The following RBMS2 variants were observed in gnomAD, a reference collection of about 807,000 sequenced individuals.
The protein encoded by RBMS2 is RNA-binding motif, single-stranded-interacting protein 2.
RBMS2 carries 38 observed loss-of-function variants against 58.4 expected under a neutral mutation model. The ratio of observed to expected loss-of-function variants is 0.65; its 90% CI spans 0.50 to 0.85. The LOEUF is 0.85. Ranked by LOEUF, RBMS2 falls within the 40% of genes least tolerant of loss-of-function variation. The pLI is 0.00. For synonymous variants in RBMS2, 151 were observed against 180.7 expected (o/e 0.84, Z 1.32); for missense variants, 367 against 503.7 (o/e 0.73, Z 2.60).
chr12:56,549,195 A>C (rs1271122570), intron 1 of RBMS2, among the ~76,000 whole-genome samples: 1 of 152,050 alleles, frequency 6.6e-6, no homozygotes, highest in African/African-American at 2.4e-5. Flanking sequence ...GGGTTTCACC[A>C]TGTTGACCAG....
intron 1 of RBMS2, among the ~76,000 whole-genome samples, chr12:56,532,805 TACTAG>T (rs1199262994): frequency 1.3e-5 from 2 of 152,232 alleles, no homozygotes; most frequent in South Asian, 2.1e-4. Context: ...TACTCTCAAG[TACTAG>T]ACTAGATTCA....
intron 1 of RBMS2, among the ~76,000 whole-genome samples, chr12:56,557,966 G>C (rs1414872061): frequency 7.0e-6 from 1 of 142,256 alleles, no homozygotes; most frequent in African/African-American, 2.6e-5. Context: ...TCCAACTCCC[G>C]ATCTCAAGTG....
intron 1 of RBMS2, among the ~76,000 whole-genome samples, chr12:56,533,322 G>A (rs950954599): frequency 2.7e-5 from 4 of 150,778 alleles, no homozygotes; most frequent in African/African-American, 7.3e-5. Context: ...AGATGGTCTC[G>A]AACTCCTGAC....
At chr12:56,563,456 C>T (rs1433289103) in intron 2 of RBMS2, among the ~76,000 whole-genome samples, 1 of 152,112 alleles carries the variant, frequency 6.6e-6, no homozygotes, top group Non-Finnish European at 1.5e-5. Context: ...CTCAAATTAG[C>T]AGATAAAGAA....
chr12:56,585,851 G>A (rs1198798227), intron 9 of RBMS2, among the ~76,000 whole-genome samples: 1 of 152,166 alleles, frequency 6.6e-6, no homozygotes, highest in African/African-American at 2.4e-5. Context: ...ATTCCCACCA[G>A]TGGCAGTGTA....
In RBMS2 at chr12:56,596,014, CAGG is replaced by C. The variant is rs1885773415; in HGVS notation, c.*6884_*6886del. The C allele has an allele frequency of 1.3e-5, 2 of 152,618 alleles. No homozygotes were observed. The highest frequency in any genetic ancestry group is 1.5e-5 in the Non-Finnish European group (1 of 68,040). 9.5% of individuals were successfully genotyped at this position (152,618 alleles called of 1,614,324 possible). ...CTTGTGGAACATCACATGGCAAAAA[CAGG>C]AGTTTTTTCGCTAGACTTTTTTTTT... On this transcript the variant is annotated 3_prime_UTR_variant, in exon 14 of 14. Coordinates refer to ENST00000262031, the MANE Select transcript of RBMS2 (RefSeq NM_002898.4).
At chr12:56,529,001 A>G (rs1416178086) in intron 1 of RBMS2, among the ~76,000 whole-genome samples, 1 of 152,216 alleles carries the variant, frequency 6.6e-6, no homozygotes, top group Non-Finnish European at 1.5e-5. Context: ...GTGGGAATGT[A>G]AAATGGTACA....
At chr12:56,539,292 C>G (rs1875630715) in intron 1 of RBMS2, among the ~76,000 whole-genome samples, 1 of 152,164 alleles carries the variant, frequency 6.6e-6, no homozygotes, top group African/African-American at 2.4e-5. Flanking sequence ...ACTAGGATTA[C>G]AGGCGTGAGC....
At chr12:56,568,616 A>G (rs1730742806) in intron 2 of RBMS2, among the ~76,000 whole-genome samples, 1 of 148,886 alleles carries the variant, frequency 6.7e-6, no homozygotes, top group Non-Finnish European at 1.5e-5. Context: ...GGCTCACTGC[A>G]ACCTCCACCT....
In RBMS2 at chr12:56,569,966, C is replaced by T. The variant is rs144911920; in HGVS notation, c.360C>T (p.Ser120=). The stretch of plus-strand genomic sequence containing the variant: ...AAGCTGTAACAGCACTGAAGGCCAG[C>T]GGTGTACAGGCACAGATGGCAAAGG... ...AQKAVTALKA[S]GVQAQMAKQQ... Residue 120 remains serine (S), a synonymous_variant, in exon 4 of 14, where the codon AGC becomes AGT. Coordinates refer to ENST00000262031, the MANE Select transcript of RBMS2 (RefSeq NM_002898.4). The T allele has an allele frequency of 2.7e-4, 435 of 1,613,324 alleles. No individual in the cohort carries two copies. Among genetic ancestry groups the T allele is most frequent in the Middle Eastern group, 3.3e-4 (2 of 6,084 alleles).
chr12:56,587,460 G>C, intron 10 of RBMS2, 94 bp from the exon 11 acceptor site: 1 of 1,299,622 alleles, frequency 7.7e-7, no homozygotes, highest in Non-Finnish European at 1.1e-6. Flanking sequence ...ATTCTTAAAT[G>C]TCTGTCTCCA....
chr12:56,527,567 G>A (rs765752835), intron 1 of RBMS2, among the ~76,000 whole-genome samples: 3 of 151,988 alleles, frequency 2.0e-5, no homozygotes, highest in African/African-American at 4.8e-5. Flanking sequence ...AGCCGAGATC[G>A]CGCCATTGCA....
At position 56,553,042 on chromosome 12, in the gene RBMS2, T is replaced by G. The variant is rs182035742; in HGVS notation, c.67-9375T>G. On this transcript the variant is annotated intron_variant, in intron 1 of 13. Coordinates refer to ENST00000262031, the MANE Select transcript of RBMS2 (RefSeq NM_002898.4). ...CTCCCAGGTTCAAGCAGTTCTCCTG[T>G]GTCAGCCTCCTGAGTAGCTGGGATT... 1.3e-3 allele frequency among the ~76,000 whole-genome samples: 196 copies of G among 146,608 alleles called. 1 individual carries two copies. The highest frequency in any genetic ancestry group is 4.0e-3 in the Admixed American group (58 of 14,660).
Position 56,559,875 on chromosome 12 carries a change from AG to A in RBMS2, c.67-2540del. ...CAAAAAAAAAAAAAAAAAAAAAAAA[AG>A]GATTTAGGTCACAATCTTCTTTTTT... is the stretch of plus-strand genomic sequence containing the variant. On this transcript the variant is annotated intron_variant, in intron 1 of 13. Transcript: ENST00000262031. Among the ~76,000 whole-genome samples, 3 of 121,422 alleles carry A rather than the reference AG, an allele frequency of 2.5e-5. No homozygotes were observed. The Admixed American group carries it at 2.7e-4, about 11-fold the overall frequency. 79.7% of individuals were successfully genotyped at this position (121,422 alleles called of 152,430 possible). A position where few individuals can be genotyped will look rare whatever the true frequency, so the allele number is the denominator to read the frequency against.
intron 1 of RBMS2, among the ~76,000 whole-genome samples, chr12:56,533,986 G>C (rs989345999): frequency 6.6e-6 from 1 of 152,022 alleles, no homozygotes; most frequent in Non-Finnish European, 1.5e-5. Flanking sequence ...GAGGAAAAGT[G>C]AGTTACAGAG....
At position 56,595,840 on chromosome 12, in the gene RBMS2, C is replaced by G. The variant is rs1220268310; in HGVS notation, c.*6707C>G. On this transcript the variant is annotated 3_prime_UTR_variant, in exon 14 of 14. Transcript: ENST00000262031. ...ACAGGAGCCCCTGTTGTTCCCTTGC[C>G]TGTGGTCTCTTAAGCCAGTCATACC... 1 of 152,140 alleles carries G rather than the reference C, an allele frequency of 6.6e-6. No individual in the cohort carries two copies. Among genetic ancestry groups the G allele is most frequent in the East Asian group, 1.9e-4 (1 of 5,174 alleles). The allele number at this position is 152,140 out of a possible 1,614,324, so 9.4% of individuals were successfully genotyped here.
intron 1 of RBMS2, among the ~76,000 whole-genome samples, chr12:56,526,489 C>T (rs1387078148): frequency 3.3e-5 from 5 of 151,618 alleles, no homozygotes; most frequent in Non-Finnish European, 5.9e-5. Context: ...ATGTATAATG[C>T]CTAATAAAGG....
At position 56,567,440 on chromosome 12, in the gene RBMS2, G is replaced by GGAA. The variant is rs756151652; in HGVS notation, c.234-1522_234-1520dup. Among the ~76,000 whole-genome samples, 3 of 149,622 alleles carry GGAA rather than the reference G, an allele frequency of 2.0e-5. No homozygotes were observed. In the East Asian group the frequency reaches 5.9e-4, roughly 29 times the overall value. ...GAGGAGAAGAGGAAGAGGAAGGAGA[G>GGAA]GAAGAAGAAGAAGAAAGAAGAAGAA... On this transcript the variant is annotated intron_variant, in intron 2 of 13. Transcript: ENST00000262031.
chr12:56,541,761 A>T (rs1876133097), intron 1 of RBMS2, among the ~76,000 whole-genome samples: 1 of 152,210 alleles, frequency 6.6e-6, no homozygotes, highest in African/African-American at 2.4e-5. Flanking sequence ...AGTTCAGAGT[A>T]GCAAAGCTGA....
Sources: gnomAD v4.1 joint callset for allele counts (sites outside exome capture counted in the v4.1 genomes callset) on GRCh38, gnomAD v4.1.1 for gene constraint, MANE v1.5 for transcripts, NCBI Gene and HGNC (gene_info 2026-07-23, HGNC 2026-07-21) for gene names.